The following COX10 variants were observed in gnomAD, a reference collection of about 807,000 sequenced individuals.
The protein encoded by COX10 is cytochrome c oxidase assembly factor heme A:farnesyltransferase COX10.
COX10 carries 27 observed loss-of-function variants against 37.3 expected under a neutral mutation model. The ratio of observed to expected loss-of-function variants is 0.72; its 90% confidence interval spans 0.53 to 1.00. The LOEUF (loss-of-function observed/expected upper bound fraction) is 1.00, where lower values mean the gene tolerates loss of function less well. Ranked by LOEUF, COX10 falls within the 50% of genes least tolerant of loss-of-function variation. The pLI is 0.00. For synonymous variants in COX10, 222 were observed against 229.1 expected, an observed-to-expected ratio of 0.97 and a Z score of 0.28; for missense variants, 475 against 563.2, an observed-to-expected ratio of 0.84 and a Z score of 1.59.
intron 4 of COX10, among the ~76,000 whole-genome samples, chr17:14,111,891 T>G (rs1471452747): frequency 6.6e-6 from 1 of 152,154 alleles, no homozygotes; most frequent in Non-Finnish European, 1.5e-5. Flanking sequence ...TAATGGGGAT[T>G]AAATACAGCT....
chr17:14,174,787 A>G (rs993388610), intron 5 of COX10, among the ~76,000 whole-genome samples: 12 of 151,506 alleles, frequency 7.9e-5, no homozygotes, highest in Non-Finnish European at 1.6e-4. Context: ...CTGTGTATGT[A>G]TGGACACATG....
intron 5 of COX10, among the ~76,000 whole-genome samples, chr17:14,166,881 T>A (rs1597531925): frequency 6.8e-6 from 1 of 146,074 alleles, no homozygotes; most frequent in Admixed American, 7.1e-5. Context: ...TGATCCGCCC[T>A]CCTCAGCCTC....
At chr17:14,164,542 T>C (rs780222403) in intron 5 of COX10, among the ~76,000 whole-genome samples, 2 of 152,242 alleles carry the variant, frequency 1.3e-5, no homozygotes, top group Non-Finnish European at 2.9e-5. Context: ...AGAATTATAT[T>C]TTCAGGATTT....
chr17:14,088,441 G>GA (rs34991846), intron 3 of COX10, among the ~76,000 whole-genome samples: 19 of 148,230 alleles, frequency 1.3e-4, no homozygotes, highest in South Asian at 2.1e-4. Context: ...AATTTAGACA[G>GA]AAAAAAAAAA....
chr17:14,107,898 A>T (rs903047702), intron 4 of COX10, among the ~76,000 whole-genome samples: 11 of 152,146 alleles, frequency 7.2e-5, no homozygotes, highest in African/African-American at 2.7e-4. Flanking sequence ...CCTCATCCTG[A>T]GCCAAAGTCA....
intron 4 of COX10, among the ~76,000 whole-genome samples, chr17:14,159,672 A>C (rs982717167): frequency 9.6e-5 from 12 of 125,130 alleles, no homozygotes; most frequent in Non-Finnish European, 1.8e-4. Context: ...TATTCCTGAC[A>C]CCTAGTGCAA....
rs141350714 is a variant in COX10 at position 14,200,607 on chromosome 17, G to A, written c.929-6203G>A. Among the ~76,000 whole-genome samples the A allele has an allele frequency of 2.6e-5, 4 of 152,274 alleles. No individual in the cohort carries two copies. The East Asian group carries it at 7.7e-4, about 29-fold the overall frequency. Reference sequence around the variant, plus strand: ...TTCTATGGAGTTGCCTTTGCAGTGGGATTTCAGCTCCATGCTCTCAGGAAG... The same window carrying A: ...TTCTATGGAGTTGCCTTTGCAGTGGAATTTCAGCTCCATGCTCTCAGGAAG... On this transcript the variant is annotated intron_variant, in intron 6 of 6. Transcript: ENST00000261643.
chr17:14,101,328 T>C (rs888050610), intron 3 of COX10, among the ~76,000 whole-genome samples: 2 of 152,156 alleles, frequency 1.3e-5, no homozygotes, highest in African/African-American at 4.8e-5. Context: ...CTCTTCATCC[T>C]CTCTAGAAAA....
chr17:14,199,114 T>G (rs1181212272), intron 6 of COX10, among the ~76,000 whole-genome samples: 2 of 151,802 alleles, frequency 1.3e-5, no homozygotes, highest in Non-Finnish European at 2.9e-5. Context: ...AGAAATTATG[T>G]TGCAAGCCCC....
At chr17:14,151,526 AACACACACACACACACAC>A (rs58412592) in intron 4 of COX10, among the ~76,000 whole-genome samples, 43 of 144,750 alleles carry the variant, frequency 3.0e-4, no homozygotes, top group South Asian at 7.0e-4. Context: ...TTCCTGAACT[AACACACACACACACACAC>A]ACACACACAC....
At chr17:14,072,616 G>A (rs181800535) in intron 1 of COX10, among the ~76,000 whole-genome samples, 11 of 152,274 alleles carry the variant, frequency 7.2e-5, no homozygotes, top group Admixed American at 7.2e-4. Context: ...AATCATGAGA[G>A]TTATTTTCCA....
intron 4 of COX10, among the ~76,000 whole-genome samples, chr17:14,133,509 T>A (rs77059738): frequency 0.058 from 8,852 of 151,696 alleles, 383 homozygotes; most frequent in African/African-American, 0.13. Context: ...TAGCTAATAG[T>A]GTTATAAATT....
At chr17:14,162,463 T>G (rs555735546) in intron 5 of COX10, among the ~76,000 whole-genome samples, 3 of 152,210 alleles carry the variant, frequency 2.0e-5, no homozygotes, top group Non-Finnish European at 4.4e-5. Context: ...TTGAGGTTTC[T>G]CTAGTGTCAC....
intron 4 of COX10, among the ~76,000 whole-genome samples, chr17:14,145,942 A>G (rs1904700858): frequency 6.6e-6 from 1 of 152,162 alleles, no homozygotes; most frequent in African/African-American, 2.4e-5. Flanking sequence ...CTAATTGACT[A>G]AGGCTCCGTT....
At chr17:14,159,148 A>T (rs1021454767) in intron 4 of COX10, among the ~76,000 whole-genome samples, 2 of 152,180 alleles carry the variant, frequency 1.3e-5, no homozygotes, top group Non-Finnish European at 2.9e-5. Context: ...GCTGTTAATG[A>T]TGCTGGCACC....
intron 4 of COX10, among the ~76,000 whole-genome samples, chr17:14,158,879 G>A (rs1905112601): frequency 6.6e-6 from 1 of 152,060 alleles, no homozygotes; most frequent in African/African-American, 2.4e-5. Context: ...AGCCCATTTA[G>A]TCAAAGATTT....
rs1349871479 is a variant in COX10 at position 14,208,060 on chromosome 17, G to A, written c.*847G>A. The A allele has an allele frequency of 6.6e-6, 1 of 152,326 alleles. No individual in the cohort carries two copies. Among genetic ancestry groups the A allele is most frequent in the Non-Finnish European group, 1.5e-5 (1 of 68,104 alleles). The allele number at this position is 152,326 out of a possible 1,614,324, so 9.4% of individuals were successfully genotyped here. Reference sequence around the variant, plus strand: ...TCGCCACTCCTCTGCTACACAGCACGGCTTTTTCAAGGCTGTATTGAGAAG... The same window carrying A: ...TCGCCACTCCTCTGCTACACAGCACAGCTTTTTCAAGGCTGTATTGAGAAG... On this transcript the variant is annotated 3_prime_UTR_variant, in exon 7 of 7. Transcript: ENST00000261643.
intron 4 of COX10, among the ~76,000 whole-genome samples, chr17:14,145,923 A>C (rs934327263): frequency 3.3e-5 from 5 of 152,150 alleles, no homozygotes; most frequent in African/African-American, 7.2e-5. Context: ...TCTGGAGAAA[A>C]GAAAGTTTCT....
chr17:14,123,855 T>C (rs1916277592), intron 4 of COX10, among the ~76,000 whole-genome samples: 1 of 152,196 alleles, frequency 6.6e-6, no homozygotes, highest in Non-Finnish European at 1.5e-5. Context: ...AAGAGTAGTT[T>C]AAGTATCTTT....
Sources: gnomAD v4.1 joint callset for allele counts (sites outside exome capture counted in the v4.1 genomes callset) on GRCh38, gnomAD v4.1.1 for gene constraint, MANE v1.5 for transcripts, NCBI Gene and HGNC (gene_info 2026-07-23, HGNC 2026-07-21) for gene names.